SLC12A2: variants seen among roughly 807,000 people sequenced by gnomAD.
SLC12A2 encodes the protein solute carrier family 12 member 2.
In SLC12A2, 67 loss-of-function variants were observed where a neutral mutation model predicts 136.3. The ratio of observed to expected loss-of-function variants is 0.49; its 90% CI spans 0.40 to 0.60. The LOEUF (loss-of-function observed/expected upper bound fraction) is 0.60, where lower values mean the gene tolerates loss of function less well. Ranked by LOEUF, SLC12A2 falls within the 20% of genes least tolerant of loss-of-function variation. The probability of loss-of-function intolerance (pLI) is 0.00; values close to 1 mark genes in which losing one functional copy is unlikely to be tolerated. For synonymous variants in SLC12A2, 619 were observed against 562.9 expected, an observed-to-expected ratio of 1.10 and a Z score of -1.41; for missense variants, 1,322 against 1,534.7, an observed-to-expected ratio of 0.86 and a Z score of 2.32.
intron 19 of SLC12A2, among the ~76,000 whole-genome samples, chr5:128,173,566 A>G (rs1763448984): frequency 6.6e-6 from 1 of 152,248 alleles, no homozygotes; most frequent in Non-Finnish European, 1.5e-5. Context: ...GGAGTCAGGC[A>G]AATCTGCTTT....
rs917896065 is a variant in SLC12A2 at position 128,098,912 on chromosome 5, A to G, written c.757-13902A>G. Among the ~76,000 whole-genome samples, 19 of 152,052 alleles carry G rather than the reference A, an allele frequency of 1.2e-4. 1 individual carries two copies. Among genetic ancestry groups the G allele is most frequent in the Admixed American group, 1.1e-3 (17 of 15,246 alleles). On this transcript the variant is annotated intron_variant, in intron 1 of 26. Coordinates refer to ENST00000262461, the MANE Select transcript of SLC12A2 (RefSeq NM_001046.3). Reference sequence around the variant, plus strand: ...AATTCCTCTGTTGACTTTGGGCTCTATTTCCTGATATTTCAAGTTAGTAGG... The same window carrying G: ...AATTCCTCTGTTGACTTTGGGCTCTGTTTCCTGATATTTCAAGTTAGTAGG...
rs769266150 is a variant in SLC12A2, at chr5:128,182,804, C to T, written c.3213-51C>T. The T allele has an allele frequency of 7.0e-6, 9 of 1,283,794 alleles. No homozygotes were observed. In the African/African-American group the frequency reaches 1.3e-4, roughly 19 times the overall value. The allele number at this position is 1,283,794 out of a possible 1,614,324, so 79.5% of individuals were successfully genotyped here. A position where few individuals can be genotyped will look rare whatever the true frequency, so the allele number is the denominator to read the frequency against. On this transcript the variant is annotated intron_variant, in intron 23 of 26. Transcript: ENST00000262461. Reference sequence around the variant, plus strand: ...GCTTTTTAGATATATGGATTCAGCCCAATATAGAATGAAAATACTTGTATC... The same window carrying T: ...GCTTTTTAGATATATGGATTCAGCCTAATATAGAATGAAAATACTTGTATC...
At chr5:128,176,946 A>T (rs1763559528) in intron 20 of SLC12A2, among the ~76,000 whole-genome samples, 159 bp from the exon 21 acceptor site, 1 of 152,092 alleles carries the variant, frequency 6.6e-6, no homozygotes, top group Admixed American at 6.6e-5. Context: ...AAGCTTCAAC[A>T]CTCAGTGCAG....
chr5:128,149,900 G>A (rs1581113630), intron 12 of SLC12A2, 97 bp from the exon 13 acceptor site: 2 of 797,352 alleles, frequency 2.5e-6, no homozygotes, highest in East Asian at 5.1e-5. Flanking sequence ...GTGGTTATGG[G>A]GTGTTACGTT....
Position 128,112,812 on chromosome 5 carries a change from A to G in SLC12A2, c.757-2A>G, listed in dbSNP as rs1189842719. 3 of 1,601,816 alleles carry G rather than the reference A, an allele frequency of 1.9e-6. No homozygotes were observed. The Admixed American group carries it at 5.2e-5, about 28-fold the overall frequency. On this transcript the variant is annotated splice_acceptor_variant, in intron 1 of 26. Coordinates refer to ENST00000262461, the MANE Select transcript of SLC12A2 (RefSeq NM_001046.3). LOFTEE classifies it high-confidence loss of function. ...ATAATTCATATTTCTTTTTATAACCAGGAACCTTTTGAGGATGGCTTTGCA... is the reference window on the plus strand; with the variant it reads ...ATAATTCATATTTCTTTTTATAACCGGGAACCTTTTGAGGATGGCTTTGCA...
intron 4 of SLC12A2, among the ~76,000 whole-genome samples, chr5:128,117,308 G>C (rs547512840): frequency 6.6e-6 from 1 of 152,234 alleles, no homozygotes; most frequent in East Asian, 1.9e-4. Flanking sequence ...CAGTAATGAT[G>C]ATAACTGATT....
chr5:128,124,038 T>C (rs1305793392), intron 4 of SLC12A2, among the ~76,000 whole-genome samples: 1 of 152,258 alleles, frequency 6.6e-6, no homozygotes, highest in East Asian at 1.9e-4. Context: ...ATCTCTTTTC[T>C]GTTTACTTAC....
chr5:128,125,421 A>G (rs1456089471), intron 4 of SLC12A2, among the ~76,000 whole-genome samples: 1 of 152,216 alleles, frequency 6.6e-6, no homozygotes, highest in Non-Finnish European at 1.5e-5. Flanking sequence ...GATGAGGAGC[A>G]TCTTTTTATG....
rs545491958 is a variant in SLC12A2, at chr5:128,098,495, GT to G, written c.756+13794del. Reference sequence around the variant, plus strand: ...ACTGCTTGTTTTTTTTGTTTTTTTTGTTTTTTTTTCTTGAGTGTGTGTTACA... The same window carrying G: ...ACTGCTTGTTTTTTTTGTTTTTTTTGTTTTTTTTCTTGAGTGTGTGTTACA... On this transcript the variant is annotated intron_variant, in intron 1 of 26. Coordinates refer to ENST00000262461, the MANE Select transcript of SLC12A2 (RefSeq NM_001046.3). Among the ~76,000 whole-genome samples, 20 of 145,832 alleles carry G rather than the reference GT, an allele frequency of 1.4e-4. No homozygotes were observed. The South Asian group carries it at 1.7e-3, about 13-fold the overall frequency.
intron 1 of SLC12A2, among the ~76,000 whole-genome samples, chr5:128,109,318 C>T (rs1354317496): frequency 6.6e-6 from 1 of 152,236 alleles, no homozygotes; most frequent in African/African-American, 2.4e-5. Context: ...TGTCCTGGGG[C>T]GGCGGAAACC....
rs1412052756 is a variant in SLC12A2 at position 128,184,771 on chromosome 5, T to C, written c.3436-18T>C. On this transcript the variant is annotated intron_variant, in intron 25 of 26. Coordinates refer to ENST00000262461, the MANE Select transcript of SLC12A2 (RefSeq NM_001046.3). ...TATTTCCACATGGTCTAGGAATGACTGTCCTGTTTCATTTCAGACATACCG... is the reference window on the plus strand; with the variant it reads ...TATTTCCACATGGTCTAGGAATGACCGTCCTGTTTCATTTCAGACATACCG... The C allele has an allele frequency of 6.2e-7, 1 of 1,611,392 alleles. No individual in the cohort carries two copies. Among genetic ancestry groups the C allele is most frequent in the Admixed American group, 1.7e-5 (1 of 59,986 alleles).
chr5:128,153,292 C>T (rs192369956), intron 15 of SLC12A2, among the ~76,000 whole-genome samples: 5 of 152,314 alleles, frequency 3.3e-5, no homozygotes, highest in African/African-American at 4.8e-5. Context: ...CGGTGGCTCA[C>T]GCCTGTAATC....
At chr5:128,149,529 C>A (rs113509056) in intron 12 of SLC12A2, among the ~76,000 whole-genome samples, 3 of 150,904 alleles carry the variant, frequency 2.0e-5, no homozygotes, top group African/African-American at 7.3e-5. Flanking sequence ...TAGTGAAAAA[C>A]GAAAGCCACC....
chr5:128,132,393 A>T (rs999894390), intron 5 of SLC12A2, among the ~76,000 whole-genome samples: 1 of 152,170 alleles, frequency 6.6e-6, no homozygotes, highest in African/African-American at 2.4e-5. Flanking sequence ...TTAGAGAAAT[A>T]GGAGGATTTC....
intron 24 of SLC12A2, 54 bp downstream of exon 24, chr5:128,182,995 G>C (rs993647480): frequency 2.8e-6 from 3 of 1,057,484 alleles, no homozygotes; most frequent in Non-Finnish European, 4.2e-6. Context: ...CTCAGACACA[G>C]ATTCAACTTA....
chr5:128,138,952 A>G lies in SLC12A2; in HGVS notation c.1621+44A>G, dbSNP rs763514691. On this transcript the variant is annotated intron_variant, in intron 9 of 26. Coordinates refer to ENST00000262461, the MANE Select transcript of SLC12A2 (RefSeq NM_001046.3). ...CTTTATGTGTCGCAGAAATTTCATG[A>G]TGTACGTACTATAAATACTTATTTT... is the stretch of plus-strand genomic sequence containing the variant. 5 of 1,263,514 alleles carry G rather than the reference A, an allele frequency of 4.0e-6. No homozygotes were observed. In the South Asian group the frequency reaches 6.2e-5, roughly 16 times the overall value. 78.3% of individuals were successfully genotyped at this position (1,263,514 alleles called of 1,614,324 possible).
chr5:128,151,317 C>T lies in SLC12A2; in HGVS notation c.2184C>T (p.Phe728=), dbSNP rs1315373166. ...CAATTCTTTGTTGCATAGTAATGTT[C>T]GTCATTAACTGGTGGGCTGCATTGC... is the stretch of plus-strand genomic sequence containing the variant. The part of the protein sequence containing the change: ...LGAILCCIVM[F]VINWWAALLT... The change falls in exon 14 of 27, where the codon TTC becomes TTT. Residue 728 remains phenylalanine (F), a synonymous_variant. Coordinates refer to ENST00000262461, the MANE Select transcript of SLC12A2 (RefSeq NM_001046.3). 3.1e-6 allele frequency: 5 copies of T among 1,612,350 alleles called. No homozygotes were observed. In the East Asian group the frequency reaches 6.7e-5, roughly 22 times the overall value.
intron 18 of SLC12A2, chr5:128,169,703 T>A (rs1763309972): frequency 6.6e-6 from 1 of 152,154 alleles, no homozygotes; most frequent in Non-Finnish European, 1.5e-5. Flanking sequence ...TGAAACCCTA[T>A]GCTTTTTCCC....
intron 1 of SLC12A2, among the ~76,000 whole-genome samples, chr5:128,092,784 T>C (rs1225050468): frequency 6.6e-6 from 1 of 152,178 alleles, no homozygotes; most frequent in African/African-American, 2.4e-5. Flanking sequence ...TATTGGACAG[T>C]GTAGATGTAA....
Sources: allele counts gnomAD v4.1 joint callset (sites outside exome capture counted in the v4.1 genomes callset), GRCh38; gene constraint gnomAD v4.1.1; transcripts MANE v1.5; gene names NCBI Gene and HGNC (gene_info 2026-07-23, HGNC 2026-07-21).